The following TNIP3 variants were observed in gnomAD, a reference collection of about 807,000 sequenced individuals.
The protein encoded by TNIP3 is TNFAIP3 interacting protein 3.
TNIP3 carries 34 observed loss-of-function variants against 54.1 expected under a neutral mutation model. The ratio of observed to expected loss-of-function variants is 0.63; its 90% CI spans 0.48 to 0.84. The LOEUF (loss-of-function observed/expected upper bound fraction) is 0.84, where lower values mean the gene tolerates loss of function less well. Ranked by LOEUF, TNIP3 falls within the 40% of genes least tolerant of loss-of-function variation. The pLI is 0.00. For synonymous variants in TNIP3, 134 were observed against 136.8 expected (o/e 0.98, Z 0.14); for missense variants, 366 against 387.6 (o/e 0.94, Z 0.47).
At chr4:121,142,705 G>T in intron 8 of TNIP3, 21 bp downstream of exon 8, 1 of 1,597,998 alleles carries the variant, frequency 6.3e-7, no homozygotes, top group Non-Finnish European at 8.6e-7. Flanking sequence ...AAATGTATGC[G>T]TGAAAATTAG....
At chr4:121,208,366 C>T (rs1223558911) in intron 2 of TNIP3, among the ~76,000 whole-genome samples, 3 of 152,086 alleles carry the variant, frequency 2.0e-5, no homozygotes, top group Non-Finnish European at 4.4e-5. Flanking sequence ...CTCAATGTGT[C>T]GGCTGGAGCC....
At chr4:121,204,863 T>G (rs1726095906) in intron 2 of TNIP3, among the ~76,000 whole-genome samples, 1 of 152,198 alleles carries the variant, frequency 6.6e-6, no homozygotes, top group Non-Finnish European at 1.5e-5. Flanking sequence ...CTGAAGTCAG[T>G]CCTAGGTGTT....
Position 121,164,193 on chromosome 4 carries a change from T to A in TNIP3, c.-68A>T, listed in dbSNP as rs1205546649. On this transcript the variant is annotated 5_prime_UTR_variant, in exon 1 of 11. Coordinates refer to ENST00000057513, the MANE Select transcript of TNIP3 (RefSeq NM_024873.6). ...CAGGGGAAAAGTCTCTTAAGGTATATTTTAGGGTGAGAGCAAGTATACAAA... is the reference window on the plus strand; with the variant it reads ...CAGGGGAAAAGTCTCTTAAGGTATAATTTAGGGTGAGAGCAAGTATACAAA... The A allele has an allele frequency of 1.2e-6, 2 of 1,609,136 alleles. No individual in the cohort carries two copies. The highest frequency in any genetic ancestry group is 1.7e-6 in the Non-Finnish European group (2 of 1,178,246).
At chr4:121,173,694 A>T (rs2198315) in intron 3 of TNIP3, among the ~76,000 whole-genome samples, 51,109 of 151,908 alleles carry the variant, frequency 0.34, 10,072 homozygotes, top group African/African-American at 0.55. Flanking sequence ...AATGGTGAGA[A>T]CTTGGCTCAC....
rs1387683406 is a variant in TNIP3 at position 121,131,511 on chromosome 4, A to G, written c.*1120T>C. 3 of 151,916 alleles carry G rather than the reference A, an allele frequency of 2.0e-5. No individual in the cohort carries two copies. The highest frequency in any genetic ancestry group is 4.4e-5 in the Non-Finnish European group (3 of 67,994). The allele number at this position is 151,916 out of a possible 1,614,324, so 9.4% of individuals were successfully genotyped here. On this transcript the variant is annotated 3_prime_UTR_variant, in exon 11 of 11. Coordinates refer to ENST00000057513, the MANE Select transcript of TNIP3 (RefSeq NM_024873.6). ...GGGAAGGAAAAACACAGATTTAACT[A>G]TAAATCCATATGTCTGAAATATTTC...
In TNIP3 at chr4:121,132,267, C is replaced by T; in HGVS notation, c.*364G>A. The T allele has an allele frequency of 4.6e-6, 1 of 216,348 alleles. No homozygotes were observed. The highest frequency in any genetic ancestry group is 1.1e-4 in the East Asian group (1 of 9,216). The allele number at this position is 216,348 out of a possible 1,614,324, so 13.4% of individuals were successfully genotyped here. A position where few individuals can be genotyped will look rare whatever the true frequency, so the allele number is the denominator to read the frequency against. On this transcript the variant is annotated 3_prime_UTR_variant, in exon 11 of 11. Coordinates refer to ENST00000057513, the MANE Select transcript of TNIP3 (RefSeq NM_024873.6). Reference sequence around the variant, plus strand: ...ACACACACACATATGCACTTTAAATCAACATACAATATCCCTGCAGCAAAC... The same window carrying T: ...ACACACACACATATGCACTTTAAATTAACATACAATATCCCTGCAGCAAAC...
intron 3 of TNIP3, among the ~76,000 whole-genome samples, chr4:121,175,011 C>T (rs116831596): frequency 6.6e-6 from 1 of 152,178 alleles, no homozygotes; most frequent in Non-Finnish European, 1.5e-5. Context: ...CCCTAGGAGA[C>T]ATCCACATCC....
At chr4:121,135,252 TAC>T (rs1728713357) in intron 10 of TNIP3, among the ~76,000 whole-genome samples, 3 of 152,210 alleles carry the variant, frequency 2.0e-5, no homozygotes, top group South Asian at 2.1e-4. Flanking sequence ...TCATGAGATT[TAC>T]ACAGATAGGA....
intron 2 of TNIP3, among the ~76,000 whole-genome samples, chr4:121,196,408 A>G (rs912671374): frequency 1.3e-5 from 2 of 152,206 alleles, no homozygotes; most frequent in African/African-American, 4.8e-5. Flanking sequence ...TTTAAGTTAG[A>G]AAATAAATCG....
chr4:121,145,927 A>G, intron 7 of TNIP3, among the ~76,000 whole-genome samples: 1 of 151,534 alleles, frequency 6.6e-6, no homozygotes, highest in East Asian at 1.9e-4. Context: ...CGGTGAGCCG[A>G]GATCATGCCA....
chr4:121,177,222 G>C (rs916694567), intron 3 of TNIP3, among the ~76,000 whole-genome samples: 14 of 152,056 alleles, frequency 9.2e-5, no homozygotes, highest in Non-Finnish European at 1.9e-4. Context: ...CTATAACTTG[G>C]TTATATATAA....
intron 2 of TNIP3, among the ~76,000 whole-genome samples, chr4:121,200,297 T>G (rs982346583): frequency 6.6e-6 from 1 of 151,796 alleles, no homozygotes; most frequent in African/African-American, 2.4e-5. Flanking sequence ...ACAAATTCCC[T>G]TTTGCATAAT....
In TNIP3 at chr4:121,137,767, G is replaced by A. The variant is rs374794699; in HGVS notation, c.946+857C>T. The A allele has an allele frequency of 7.4e-5, 24 of 323,170 alleles. No homozygotes were observed. The East Asian group carries it at 1.7e-3, about 23-fold the overall frequency. The allele number at this position is 323,170 out of a possible 1,614,324, so 20.0% of individuals were successfully genotyped here. The stretch of plus-strand genomic sequence containing the variant: ...CAAACGAGATCAAATTTCAAGAATG[G>A]CCTGAAATTAGACTACATAGCTCAT... On this transcript the variant is annotated intron_variant, in intron 10 of 10. Coordinates refer to ENST00000057513, the MANE Select transcript of TNIP3 (RefSeq NM_024873.6).
intron 5 of TNIP3, 108 bp from the exon 6 acceptor site, chr4:121,150,327 G>T: frequency 8.5e-6 from 5 of 588,902 alleles, no homozygotes; most frequent in South Asian, 5.7e-5. Context: ...TGCATTTCAT[G>T]TTTAACGCTG....
rs147997718 is a variant in TNIP3, at chr4:121,196,551, TG to T, written c.69-13756del. ...TCCCAGTTTGGAAAACCAAAGAATT[TG>T]TCACATTTTTTTTAATGGAATTACA... On this transcript the variant is annotated intron_variant, in intron 2 of 12. Transcript: ENST00000507879. 2.5e-3 allele frequency among the ~76,000 whole-genome samples: 381 copies of T among 152,284 alleles called. 3 individuals are homozygous for T. Among genetic ancestry groups the T allele is most frequent in the African/African-American group, 8.4e-3 (348 of 41,572 alleles).
intron 2 of TNIP3, among the ~76,000 whole-genome samples, chr4:121,212,777 ATTCT>A (rs1220167724): frequency 6.6e-6 from 1 of 152,222 alleles, no homozygotes; most frequent in African/African-American, 2.4e-5. Context: ...TGTATAAATG[ATTCT>A]TTCTTCTGCC....
intron 3 of TNIP3, chr4:121,182,627 A>C (rs1724778016): frequency 6.6e-7 from 1 of 1,524,868 alleles, no homozygotes; most frequent in Admixed American, 2.0e-5. Flanking sequence ...TTGATGAATA[A>C]ACTGCTGAAG....
chr4:121,165,022 C>T (rs575983967), upstream of TNIP3, among the ~76,000 whole-genome samples: 5 of 151,364 alleles, frequency 3.3e-5, no homozygotes, highest in Admixed American at 6.6e-5. Flanking sequence ...AAGTGAACTG[C>T]GATGGAACAG....
chr4:121,177,126 A>G (rs900672556), intron 3 of TNIP3, among the ~76,000 whole-genome samples: 1 of 152,230 alleles, frequency 6.6e-6, no homozygotes. Flanking sequence ...AATACATTTC[A>G]AGCATCCTGT....
Sources: allele counts gnomAD v4.1 joint callset (sites outside exome capture counted in the v4.1 genomes callset), GRCh38; gene constraint gnomAD v4.1.1; transcripts MANE v1.5; gene names NCBI Gene and HGNC (gene_info 2026-07-23, HGNC 2026-07-21).